HERC1: variants seen among roughly 807,000 people sequenced by gnomAD.
HERC1 encodes probable E3 ubiquitin-protein ligase HERC1.
HERC1 carries 160 observed loss-of-function variants against 554.3 expected under a neutral mutation model. The observed-to-expected ratio is 0.29, with a 90% CI of 0.25 to 0.33. The LOEUF is 0.33. Ranked by LOEUF, HERC1 falls within the 10% of genes least tolerant of loss-of-function variation. HERC1 has a pLI of 1.00. For synonymous variants in HERC1, 2,175 were observed against 2,131.7 expected (o/e 1.02, Z -0.56); for missense variants, 4,919 against 5,918.5 (o/e 0.83, Z 5.54).
At chr15:63,793,379 C>T (rs1321903137) in intron 1 of HERC1, among the ~76,000 whole-genome samples, 2 of 152,236 alleles carry the variant, frequency 1.3e-5, no homozygotes, top group Non-Finnish European at 2.9e-5. Context: ...TCATTATACA[C>T]TAATTATAAT....
At chr15:63,643,649 A>C in intron 57 of HERC1, 99 bp from the exon 58 acceptor site, 1 of 900,892 alleles carries the variant, frequency 1.1e-6, no homozygotes, top group South Asian at 2.4e-5. Context: ...TCAGAATAAA[A>C]TTGGCAAGGG....
chr15:63,697,378 G>A (rs915573649), intron 26 of HERC1, among the ~76,000 whole-genome samples: 3 of 151,864 alleles, frequency 2.0e-5, no homozygotes, highest in African/African-American at 7.3e-5. Context: ...ATGGATTTGG[G>A]GGAAGAATAC....
intron 2 of HERC1, among the ~76,000 whole-genome samples, chr15:63,767,606 G>A (rs2075822636): frequency 6.6e-6 from 1 of 152,074 alleles, no homozygotes; most frequent in Non-Finnish European, 1.5e-5. Context: ...GCTGGGGCAG[G>A]AGAATCACTT....
rs1281392405 is a variant in HERC1 at position 63,654,116 on chromosome 15, T to G, written c.10290+3A>C. On this transcript the variant is annotated splice_donor_region_variant and intron_variant, in intron 51 of 77. Coordinates refer to ENST00000443617, the MANE Select transcript of HERC1 (RefSeq NM_003922.4). ...TAACACACTTTCCACTCAAAATACT[T>G]ACTCTGTTCTGATGAGCCTCCAATT... is the stretch of plus-strand genomic sequence containing the variant. 6.2e-7 allele frequency: 1 copy of G among 1,605,642 alleles called. No individual in the cohort carries two copies.
intron 48 of HERC1, among the ~76,000 whole-genome samples, chr15:63,656,933 C>T (rs1026021150): frequency 6.6e-6 from 1 of 152,174 alleles, no homozygotes; most frequent in Admixed American, 6.5e-5. Context: ...GTTCATTTAT[C>T]CCTACAGATG....
intron 52 of HERC1, 53 bp downstream of exon 52, chr15:63,652,361 C>T: frequency 1.3e-6 from 2 of 1,508,714 alleles, no homozygotes; most frequent in South Asian, 2.6e-5. Context: ...CAAGATGAGG[C>T]ATGTTTAGGA....
Position 63,713,521 on chromosome 15 carries a change from G to T in HERC1, c.4295C>A (p.Pro1432His). The T allele has an allele frequency of 6.2e-7, 1 of 1,614,008 alleles. No individual in the cohort carries two copies. The highest frequency in any genetic ancestry group is 8.5e-7 in the Non-Finnish European group (1 of 1,179,898). ...AGCAGTGTACACATCCTGACCCTCAGGAAGGTCTGTGCTGACCCTTCGCTC... is the reference window on the plus strand; with the variant it reads ...AGCAGTGTACACATCCTGACCCTCATGAAGGTCTGTGCTGACCCTTCGCTC... ...QQERRVSTDL[P>H]EGQDVYTAAC... The change falls in exon 23 of 78, where the codon CCT (proline) becomes CAT (histidine). Residue 1432 changes from proline (P) to histidine (H), a missense_variant. Transcript: ENST00000443617.
Position 63,692,264 on chromosome 15 carries a change from CT to C in HERC1, c.5830+146del. 3.6e-6 allele frequency: 2 copies of C among 552,158 alleles called. No individual in the cohort carries two copies. The highest frequency in any genetic ancestry group is 3.1e-5 in the East Asian group (1 of 32,052). 34.2% of individuals were successfully genotyped at this position (552,158 alleles called of 1,614,324 possible). A position where few individuals can be genotyped will look rare whatever the true frequency, so the allele number is the denominator to read the frequency against. On this transcript the variant is annotated intron_variant, in intron 31 of 77. Coordinates refer to ENST00000443617, the MANE Select transcript of HERC1 (RefSeq NM_003922.4). The surrounding 1 kb of genome is among the most constrained non-coding windows in gnomAD (Gnocchi z 4.7). ...TTTTTACTTCTGAAATTAGAGTTTT[CT>C]TTTGATCAAATAGGTACGCAGAAAA...
At chr15:63,740,827 C>T (rs1378323246) in intron 12 of HERC1, among the ~76,000 whole-genome samples, 1 of 152,106 alleles carries the variant, frequency 6.6e-6, no homozygotes, top group African/African-American at 2.4e-5. Flanking sequence ...GAAACTAGAA[C>T]CTCATCAGAT....
chr15:63,620,226 C>T (rs1431734283), intron 74 of HERC1, among the ~76,000 whole-genome samples: 1 of 151,752 alleles, frequency 6.6e-6, no homozygotes, highest in African/African-American at 2.4e-5. Flanking sequence ...AGAACATCTT[C>T]ATTTCTGCCT....
intron 1 of HERC1, among the ~76,000 whole-genome samples, chr15:63,802,935 T>G (rs1255717950): frequency 6.6e-6 from 1 of 152,200 alleles, no homozygotes; most frequent in Non-Finnish European, 1.5e-5. Context: ...AGGGGCTGCG[T>G]GTGGTGGCTC....
intron 5 of HERC1, 65 bp from the exon 6 acceptor site, chr15:63,755,390 C>A (rs746290424): frequency 8.3e-7 from 1 of 1,203,532 alleles, no homozygotes; most frequent in Non-Finnish European, 1.2e-6. Flanking sequence ...CGTATTTGAT[C>A]CTATACACAG....
chr15:63,782,027 G>A (rs1353275622), intron 1 of HERC1, among the ~76,000 whole-genome samples: 1 of 152,170 alleles, frequency 6.6e-6, no homozygotes, highest in Non-Finnish European at 1.5e-5. Flanking sequence ...GCTAGCAGAG[G>A]TTCACTCATG....
chr15:63,624,404 T>TA, intron 71 of HERC1, 77 bp from the exon 72 acceptor site: 1 of 1,370,192 alleles, frequency 7.3e-7, no homozygotes, highest in Non-Finnish European at 9.9e-7. Flanking sequence ...TTATAGAACA[T>TA]ACATTATTTT....
At chr15:63,623,916 G>T in intron 72 of HERC1, 26 bp from the exon 73 acceptor site, 2 of 1,609,572 alleles carry the variant, frequency 1.2e-6, no homozygotes, top group South Asian at 1.1e-5. Flanking sequence ...AGAAAGCAAT[G>T]AAATACAACT....
intron 3 of HERC1, among the ~76,000 whole-genome samples, chr15:63,763,680 G>C (rs1287899126): frequency 6.6e-6 from 1 of 151,956 alleles, no homozygotes; most frequent in Non-Finnish European, 1.5e-5. Context: ...TCACAATAGT[G>C]GTTACTTTGG....
chr15:63,624,135 C>G (rs752923188), intron 72 of HERC1, 23 bp downstream of exon 72: 13 of 1,572,748 alleles, frequency 8.3e-6, no homozygotes, highest in Non-Finnish European at 1.1e-5. Context: ...GCTCATTAGT[C>G]AAACACACAT....
At chr15:63,771,097 G>A (rs942833428) in intron 2 of HERC1, among the ~76,000 whole-genome samples, 2 of 151,934 alleles carry the variant, frequency 1.3e-5, no homozygotes, top group African/African-American at 2.4e-5. Flanking sequence ...GCTGAGGCAC[G>A]AGAATAGCTT....
chr15:63,829,477 TAAA>T (rs2078060096), intron 1 of HERC1, among the ~76,000 whole-genome samples: 1 of 102,402 alleles, frequency 9.8e-6, no homozygotes, highest in Non-Finnish European at 2.1e-5. Flanking sequence ...TATGTTTATA[TAAA>T]TATATATATA....
Sources: gnomAD v4.1 joint callset for allele counts (sites outside exome capture counted in the v4.1 genomes callset) on GRCh38, gnomAD v4.1.1 for gene constraint, Gnocchi (gnomAD v3.1) non-coding constraint, MANE v1.5 for transcripts, NCBI Gene and HGNC (gene_info 2026-07-23, HGNC 2026-07-21) for gene names.